OTC: variants seen among roughly 807,000 people sequenced by gnomAD.
OTC encodes ornithine transcarbamylase, mitochondrial.
OTC carries 3 observed loss-of-function variants against 30.3 expected under a neutral mutation model. That is an observed-to-expected ratio of 0.10 (90% CI 0.05 to 0.26). OTC has a LOEUF of 0.26. OTC is among the 10% of genes least tolerant of loss of function. The pLI is 1.00. For synonymous variants in OTC, 111 were observed against 99.7 expected (o/e 1.11, Z -0.67); for missense variants, 194 against 260.3 (o/e 0.75, Z 1.75).
chrX:38,348,703 A>AT (rs2068201285), upstream of OTC, among the ~76,000 whole-genome samples: 3 of 108,825 alleles, frequency 2.8e-5, no homozygotes, highest in East Asian at 5.8e-4. Flanking sequence ...CACCCAGCTA[A>AT]TTTTTTTGTA....
intron 3 of OTC, among the ~76,000 whole-genome samples, chrX:38,375,583 G>A (rs969368741): frequency 5.4e-5 from 6 of 111,705 alleles, no homozygotes; most frequent in African/African-American, 2.0e-4. Flanking sequence ...GTAAGAGAGA[G>A]ATGTCAAGGA....
chrX:38,353,867 G>A (rs938036418), intron 1 of OTC, among the ~76,000 whole-genome samples: 2 of 111,726 alleles, frequency 1.8e-5, no homozygotes, highest in Admixed American at 1.9e-4. Context: ...ATATTCAATT[G>A]AAATTGTTTC....
intron 2 of OTC, among the ~76,000 whole-genome samples, chrX:38,369,367 A>G (rs1171080786): frequency 9.4e-6 from 1 of 106,440 alleles, no homozygotes; most frequent in Non-Finnish European, 1.9e-5. Context: ...TTTTTTTTTG[A>G]GATGGAATAT....
At chrX:38,420,945 T>C (rs946054922) in intron 9 of OTC, 78 bp from the exon 10 acceptor site, 30 of 721,787 alleles carry the variant, frequency 4.2e-5, no homozygotes, top group Middle Eastern at 2.9e-4. Flanking sequence ...AGCTGAAACC[T>C]AATTCACCTT....
chrX:38,398,217 C>T (rs189509610), intron 4 of OTC, among the ~76,000 whole-genome samples: 87 of 111,926 alleles, frequency 7.8e-4, no homozygotes, highest in African/African-American at 2.7e-3. Flanking sequence ...GTTCTGCTAG[C>T]ATTTCTGTCT....
upstream of OTC, among the ~76,000 whole-genome samples, chrX:38,351,994 C>G (rs1479901690): frequency 8.9e-6 from 1 of 111,847 alleles, no homozygotes; most frequent in Non-Finnish European, 1.9e-5. Flanking sequence ...CTCCTGGGCT[C>G]AAGTGATCCG....
At chrX:38,402,174 T>A (rs1011416419) in intron 5 of OTC, among the ~76,000 whole-genome samples, 16 of 112,225 alleles carry the variant, frequency 1.4e-4, no homozygotes, top group African/African-American at 2.9e-4. Context: ...ATAAAACACT[T>A]TGGACATGAG....
chrX:38,374,616 G>C (rs1403569748), intron 3 of OTC, among the ~76,000 whole-genome samples: 1 of 111,111 alleles, frequency 9.0e-6, no homozygotes. Context: ...GCACCGTATC[G>C]ATCTTCTGTA....
chrX:38,411,441 G>A (rs553076649), intron 8 of OTC, among the ~76,000 whole-genome samples: 10 of 109,479 alleles, frequency 9.1e-5, no homozygotes, highest in South Asian at 7.9e-4. Flanking sequence ...CGAGGCGGGC[G>A]GATCATTTGA....
In OTC at chrX:38,352,783, G is replaced by A; in HGVS notation, c.77+10G>A. 5 of 1,166,734 alleles carry A rather than the reference G, an allele frequency of 4.3e-6. No homozygotes were observed. The highest frequency in any genetic ancestry group is 5.9e-6 in the Non-Finnish European group (5 of 854,496). ...TGGTTCGAAATTTTCGGTAAGTGAT[G>A]GTCAGAGACTTGGGTTTGATTTAGG... On this transcript the variant is annotated intron_variant, in intron 1 of 9. Transcript: ENST00000039007.
chrX:38,380,991 A>G (rs1352905584), intron 3 of OTC, among the ~76,000 whole-genome samples: 2 of 112,345 alleles, frequency 1.8e-5, no homozygotes, highest in African/African-American at 6.5e-5. Context: ...AGCCTCCCAA[A>G]GTGCTGGGAT....
intron 6 of OTC, among the ~76,000 whole-genome samples, chrX:38,405,772 A>G (rs185778562): frequency 3.6e-5 from 4 of 111,861 alleles, no homozygotes; most frequent in Non-Finnish European, 5.6e-5. Context: ...GTCAGATCCG[A>G]TATGTGCTTA....
chrX:38,379,743 C>T (rs1048098663), intron 3 of OTC, among the ~76,000 whole-genome samples: 1 of 110,369 alleles, frequency 9.1e-6, no homozygotes, highest in Non-Finnish European at 1.9e-5. Flanking sequence ...CATCCTCCTG[C>T]CTCAGCCTCC....
intron 1 of OTC, among the ~76,000 whole-genome samples, chrX:38,365,626 C>T (rs1366819193): frequency 1.8e-5 from 2 of 112,493 alleles, no homozygotes. Flanking sequence ...CCTCCTCCCC[C>T]ATGAAGGGGA....
intron 9 of OTC, among the ~76,000 whole-genome samples, chrX:38,412,673 T>A (rs184987460): frequency 0.017 from 1,901 of 112,074 alleles, 32 homozygotes; most frequent in African/African-American, 0.059. Flanking sequence ...AGCTCCACCA[T>A]TTTTTTAGCT....
intron 5 of OTC, 68 bp from the exon 6 acceptor site, chrX:38,403,550 C>A (rs1405104244): frequency 1.0e-5 from 11 of 1,103,062 alleles, no homozygotes; most frequent in Non-Finnish European, 1.3e-6. Context: ...TTTATTTTAA[C>A]CTTAGTAATT....
intron 3 of OTC, among the ~76,000 whole-genome samples, chrX:38,375,562 T>G (rs1330979334): frequency 1.8e-5 from 2 of 111,224 alleles, no homozygotes; most frequent in Non-Finnish European, 3.8e-5. Context: ...ACAAGATTAC[T>G]GATGTATTGG....
intron 4 of OTC, among the ~76,000 whole-genome samples, chrX:38,386,387 AT>A (rs200297286): frequency 0.043 from 1,672 of 38,623 alleles, 44 homozygotes; most frequent in African/African-American, 0.12. Context: ...AAAAAAAAAA[AT>A]ATATATATAT....
upstream of OTC, among the ~76,000 whole-genome samples, chrX:38,350,944 A>G (rs750107994): frequency 1.8e-5 from 2 of 111,682 alleles, no homozygotes; most frequent in East Asian, 2.8e-4. Context: ...CAAACGTTCA[A>G]TTTCACTCCT....
Sources: gnomAD v4.1 joint callset for allele counts (sites outside exome capture counted in the v4.1 genomes callset) on GRCh38, gnomAD v4.1.1 for gene constraint, MANE v1.5 for transcripts, NCBI Gene and HGNC (gene_info 2026-07-23, HGNC 2026-07-21) for gene names.